TMEM132D: variants seen among roughly 807,000 people sequenced by gnomAD.
The protein encoded by TMEM132D is mature OL transmembrane protein.
In TMEM132D, 21 loss-of-function variants were observed where a neutral mutation model predicts 62.3. The ratio of observed to expected loss-of-function variants is 0.34; its 90% CI spans 0.24 to 0.49. The LOEUF is 0.49. Among genes scored for constraint, TMEM132D ranks in the 20% least tolerant of loss-of-function variants. TMEM132D has a pLI of 0.99. For missense variants in TMEM132D, 1,346 were observed against 1,402.8 expected (o/e 0.96, Z 0.65); for synonymous variants, 621 against 575.6 (o/e 1.08, Z -1.13).
intron 2 of TMEM132D, among the ~76,000 whole-genome samples, chr12:129,558,173 T>C (rs1877115376): frequency 6.6e-6 from 1 of 152,188 alleles, no homozygotes; most frequent in Non-Finnish European, 1.5e-5. Flanking sequence ...GAACCCATCT[T>C]AGGACGGATG....
intron 2 of TMEM132D, among the ~76,000 whole-genome samples, chr12:129,606,663 T>C (rs1444436137): frequency 6.6e-6 from 1 of 152,056 alleles, no homozygotes; most frequent in Non-Finnish European, 1.5e-5. Context: ...TTGGGAAGGA[T>C]AGGGAGAACT....
At chr12:129,765,247 G>A (rs771669886) in intron 1 of TMEM132D, among the ~76,000 whole-genome samples, 24 of 152,142 alleles carry the variant, frequency 1.6e-4, no homozygotes, top group Non-Finnish European at 2.8e-4. Context: ...GTAATTTATA[G>A]CAATGCAAAT....
chr12:129,605,604 T>TATATATATATATATATATAC (rs150550863), intron 2 of TMEM132D, among the ~76,000 whole-genome samples: 16 of 106,276 alleles, frequency 1.5e-4, no homozygotes, highest in African/African-American at 6.2e-4. Context: ...TATATATATA[T>TATATATATATATATATATAC]ACACACACAT....
intron 3 of TMEM132D, among the ~76,000 whole-genome samples, chr12:129,453,351 T>C (rs57104807): frequency 0.2 from 29,708 of 152,124 alleles, 3,066 homozygotes; most frequent in African/African-American, 0.26. Flanking sequence ...TCTCTTTGCC[T>C]GGAATTCCCT....
intron 2 of TMEM132D, among the ~76,000 whole-genome samples, chr12:129,548,095 A>G (rs1876789668): frequency 6.6e-6 from 1 of 152,238 alleles, no homozygotes; most frequent in African/African-American, 2.4e-5. Flanking sequence ...CCTGGCTTCA[A>G]TAAACCCTGC....
Position 129,647,092 on chromosome 12 carries a change from G to A in TMEM132D, c.968+52718C>T, listed in dbSNP as rs574975374. Among the ~76,000 whole-genome samples, 51 of 133,428 alleles carry A rather than the reference G, an allele frequency of 3.8e-4. 1 individual carries two copies. The highest frequency in any genetic ancestry group is 2.8e-3 in the East Asian group (14 of 4,930). The allele number at this position is 133,428 out of a possible 152,430, so 87.5% of individuals were successfully genotyped here. A position where few individuals can be genotyped will look rare whatever the true frequency, so the allele number is the denominator to read the frequency against. On this transcript the variant is annotated intron_variant, in intron 2 of 8. Coordinates refer to ENST00000422113, the MANE Select transcript of TMEM132D (RefSeq NM_133448.3). ...TGAGATTACAGGGGTGAGCCACTGC[G>A]CCCAACCACATGTTTTTATACATAC...
intron 2 of TMEM132D, among the ~76,000 whole-genome samples, chr12:129,553,445 T>TTTG (rs1876959029): frequency 6.6e-6 from 1 of 152,154 alleles, no homozygotes; most frequent in South Asian, 2.1e-4. Context: ...AAGGAGAAAC[T>TTTG]ACCACGTTGT....
intron 2 of TMEM132D, among the ~76,000 whole-genome samples, chr12:129,647,350 G>C (rs1879813558): frequency 7.0e-6 from 1 of 143,806 alleles, no homozygotes; most frequent in African/African-American, 2.6e-5. Flanking sequence ...CTGAGACTTT[G>C]ATGCATTCTT....
At chr12:129,894,779 C>T (rs1052869038) in intron 1 of TMEM132D, among the ~76,000 whole-genome samples, 5 of 151,878 alleles carry the variant, frequency 3.3e-5, no homozygotes, top group African/African-American at 1.2e-4. Context: ...TCATGACTGT[C>T]AACTCTTATT....
chr12:129,403,719 T>C (rs551686591), intron 3 of TMEM132D, among the ~76,000 whole-genome samples: 1 of 152,180 alleles, frequency 6.6e-6, no homozygotes, highest in South Asian at 2.1e-4. Context: ...CGCATGGAGT[T>C]AGAAAATTAA....
intron 2 of TMEM132D, among the ~76,000 whole-genome samples, chr12:129,607,225 C>G (rs901669904): frequency 1.3e-5 from 2 of 152,152 alleles, no homozygotes; most frequent in East Asian, 3.9e-4. Flanking sequence ...AAATCAGCAA[C>G]AAGAAAGAAA....
chr12:129,819,023 A>G (rs930793561), intron 1 of TMEM132D, among the ~76,000 whole-genome samples: 1 of 151,918 alleles, frequency 6.6e-6, no homozygotes. Flanking sequence ...TGACAGAGTG[A>G]GACTCTGTCT....
intron 4 of TMEM132D, among the ~76,000 whole-genome samples, chr12:129,259,165 C>T (rs11060227): frequency 0.063 from 9,638 of 152,120 alleles, 465 homozygotes; most frequent in East Asian, 0.26. Context: ...CTGAACATTG[C>T]GAGTCATTTC....
At chr12:129,470,870 C>T (rs916877026) in intron 3 of TMEM132D, among the ~76,000 whole-genome samples, 2 of 151,924 alleles carry the variant, frequency 1.3e-5, no homozygotes, top group African/African-American at 2.4e-5. Context: ...CCAGGATGGG[C>T]TATGCATAAG....
chr12:129,715,097 T>C (rs752979021), intron 1 of TMEM132D, among the ~76,000 whole-genome samples: 12 of 152,222 alleles, frequency 7.9e-5, no homozygotes, highest in Non-Finnish European at 1.8e-4. Flanking sequence ...TGTTTAGGGA[T>C]TTAACAGCTT....
intron 4 of TMEM132D, among the ~76,000 whole-genome samples, chr12:129,324,016 T>C (rs1593337491): frequency 6.6e-6 from 1 of 152,354 alleles, no homozygotes; most frequent in East Asian, 1.9e-4. Context: ...CTGTGATTTT[T>C]TGGCTGAGGA....
At chr12:129,427,011 A>G (rs868084549) in intron 3 of TMEM132D, among the ~76,000 whole-genome samples, 85 of 152,344 alleles carry the variant, frequency 5.6e-4, no homozygotes, top group African/African-American at 2.0e-3. Context: ...ATTTGCTCCT[A>G]TAAGACAGGG....
chr12:129,659,202 A>G (rs950492835), intron 2 of TMEM132D, among the ~76,000 whole-genome samples: 4 of 152,162 alleles, frequency 2.6e-5, no homozygotes, highest in African/African-American at 4.8e-5. Context: ...CCTGGAGTCA[A>G]GATGAACCAC....
chr12:129,450,564 A>G (rs1404503368), intron 3 of TMEM132D, among the ~76,000 whole-genome samples: 1 of 152,140 alleles, frequency 6.6e-6, no homozygotes, highest in East Asian at 1.9e-4. Flanking sequence ...TAGTTTCAAA[A>G]GAAAAAAACA....
Sources: allele counts gnomAD v4.1 joint callset (sites outside exome capture counted in the v4.1 genomes callset), GRCh38; gene constraint gnomAD v4.1.1; transcripts MANE v1.5; gene names NCBI Gene and HGNC (gene_info 2026-07-23, HGNC 2026-07-21).